Variants in SAMHD1 observed in about 807,000 individuals in gnomAD.
SAMHD1 encodes SAM and HD domain containing deoxynucleoside triphosphate triphosphohydrolase 1, also known as deoxynucleoside triphosphate triphosphohydrolase SAMHD1.
Under a neutral mutation model 79.6 loss-of-function variants are expected in SAMHD1, and 54 were observed. That is an observed-to-expected ratio of 0.68 (90% CI 0.55 to 0.85). The LOEUF (loss-of-function observed/expected upper bound fraction) is 0.85. Ranked by LOEUF, SAMHD1 falls within the 40% of genes least tolerant of loss-of-function variation. The probability of loss-of-function intolerance (pLI) is 0.00; values close to 1 mark genes in which losing one functional copy is unlikely to be tolerated. For synonymous variants in SAMHD1, 260 were observed against 264.1 expected (o/e 0.98, Z 0.15); for missense variants, 663 against 782.7 (o/e 0.85, Z 1.82).
chr20:36,922,110 AT>A (rs2063509740), intron 6 of SAMHD1, among the ~76,000 whole-genome samples: 1 of 152,232 alleles, frequency 6.6e-6, no homozygotes, highest in Non-Finnish European at 1.5e-5. Flanking sequence ...CTTTAAAAAA[AT>A]GACAAAGTCA....
Position 36,892,443 on chromosome 20 carries a change from T to G in SAMHD1, c.*489A>C, listed in dbSNP as rs2148351693. ...GACAATGTCAATTTCTAGTTCCAAT[T>G]TGTACCCTTGTCTCATTTCTACATT... is the stretch of plus-strand genomic sequence containing the variant. On this transcript the variant is annotated 3_prime_UTR_variant, in exon 16 of 16. Transcript: ENST00000646673. 5.2e-6 allele frequency: 1 copy of G among 193,764 alleles called. No homozygotes were observed. Among genetic ancestry groups the G allele is most frequent in the African/African-American group, 2.4e-5 (1 of 41,916 alleles). The allele number at this position is 193,764 out of a possible 1,614,324, so 12.0% of individuals were successfully genotyped here. A position where few individuals can be genotyped will look rare whatever the true frequency, so the allele number is the denominator to read the frequency against.
At chr20:36,925,426 G>A (rs1263172425) in intron 6 of SAMHD1, among the ~76,000 whole-genome samples, 2 of 152,182 alleles carry the variant, frequency 1.3e-5, no homozygotes, top group Non-Finnish European at 2.9e-5. Context: ...CCGGTTTTAT[G>A]GTTTTTTGCC....
intron 11 of SAMHD1, 23 bp downstream of exon 11, chr20:36,911,195 C>T (rs1466973201): frequency 7.1e-7 from 1 of 1,405,638 alleles, no homozygotes; most frequent in African/African-American, 1.4e-5. Context: ...GATGGACCAT[C>T]TATGTTACCT....
At chr20:36,918,801 CAAAAAA>C (rs60403097) in intron 7 of SAMHD1, among the ~76,000 whole-genome samples, 3 of 65,462 alleles carry the variant, frequency 4.6e-5, no homozygotes, top group African/African-American at 6.4e-5. Context: ...GACTCTATCT[CAAAAAA>C]AAAAAAAAAA....
chr20:36,903,548 TTC>T (rs2063388097), intron 13 of SAMHD1, among the ~76,000 whole-genome samples: 1 of 109,594 alleles, frequency 9.1e-6, no homozygotes, highest in Non-Finnish European at 2.0e-5. Flanking sequence ...AATTTTTTTT[TTC>T]TTTTTCTTTT....
chr20:36,908,738 A>C (rs542626311), intron 11 of SAMHD1, among the ~76,000 whole-genome samples: 90 of 152,238 alleles, frequency 5.9e-4, no homozygotes, highest in Non-Finnish European at 1.2e-3. Context: ...AACACAGTTT[A>C]GGAGGAGCTA....
chr20:36,951,282 C>T (rs913823238), intron 1 of SAMHD1, among the ~76,000 whole-genome samples, 154 bp downstream of exon 1: 8 of 152,166 alleles, frequency 5.3e-5, no homozygotes, highest in Admixed American at 2.0e-4. Context: ...TTCCTTTCCT[C>T]GGCGCCCCCA....
intron 3 of SAMHD1, among the ~76,000 whole-genome samples, chr20:36,937,860 GT>G (rs1401125895): frequency 7.8e-5 from 8 of 102,704 alleles, no homozygotes; most frequent in Non-Finnish European, 1.1e-4. Context: ...ATGTTGGTTT[GT>G]TTTTTTTTTT....
intron 15 of SAMHD1, 24 bp from the exon 16 acceptor site, chr20:36,893,090 A>T: frequency 6.2e-7 from 1 of 1,610,648 alleles, no homozygotes; most frequent in South Asian, 1.1e-5. Flanking sequence ...AGAGAAAAAC[A>T]GGCAATAGAG....
intron 15 of SAMHD1, chr20:36,894,177 T>C (rs975863248): frequency 7.8e-6 from 3 of 384,924 alleles, no homozygotes; most frequent in Admixed American, 4.5e-5. Context: ...GTTAAATTTT[T>C]TCTGTTGAAC....
chr20:36,951,436 C>G lies in SAMHD1; in HGVS notation c.208G>C (p.Glu70Gln). The G allele has an allele frequency of 1.9e-6, 3 of 1,613,882 alleles. No homozygotes were observed. The South Asian group carries it at 3.3e-5, about 18-fold the overall frequency. ...CCCTCAGCCCCTCCGGAGCCGCTAC[C>G]TCGGATGTTCTTCAGCAGCACCGGC... is the stretch of plus-strand genomic sequence containing the variant. ...EEPVLLKNIR[E>Q]NEITGALLPC... is the part of the protein sequence containing the mutation. The change falls in exon 1 of 16, where the codon GAA (glutamate) becomes CAA (glutamine). Residue 70 changes from glutamate to glutamine, a missense_variant and splice_region_variant. Coordinates refer to ENST00000646673, the MANE Select transcript of SAMHD1 (RefSeq NM_015474.4).
intron 2 of SAMHD1, among the ~76,000 whole-genome samples, chr20:36,942,618 T>C (rs1219382362): frequency 6.6e-6 from 1 of 151,478 alleles, no homozygotes; most frequent in East Asian, 1.9e-4. Context: ...ACAATTGACA[T>C]GTATATTTAA....
chr20:36,951,616 A>AG lies in SAMHD1; in HGVS notation c.27dup (p.Ser10LeufsTer8). 6.2e-7 allele frequency: 1 copy of AG among 1,613,982 alleles called. No individual in the cohort carries two copies. The highest frequency in any genetic ancestry group is 8.5e-7 in the Non-Finnish European group (1 of 1,179,976). ...CTGTCATCGCAACGGGGACGCTTGGAGGGCTGCTCGGAATCGGCTCGCTGC... is the reference window on the plus strand; with the variant it reads ...CTGTCATCGCAACGGGGACGCTTGGAGGGGCTGCTCGGAATCGGCTCGCTGC... On this transcript the variant is annotated frameshift_variant, in exon 1 of 16. Coordinates refer to ENST00000646673, the MANE Select transcript of SAMHD1 (RefSeq NM_015474.4). LOFTEE classifies it high-confidence loss of function.
chr20:36,942,650 C>T (rs1351314309), intron 2 of SAMHD1, among the ~76,000 whole-genome samples: 2 of 56,784 alleles, frequency 3.5e-5, no homozygotes, highest in Non-Finnish European at 6.0e-5. Flanking sequence ...TTCTATCTAA[C>T]TTCTTTTTTT....
At chr20:36,894,557 G>A (rs1036251389) in intron 15 of SAMHD1, among the ~76,000 whole-genome samples, 3 of 151,326 alleles carry the variant, frequency 2.0e-5, no homozygotes, top group African/African-American at 4.9e-5. Flanking sequence ...ACTTGAGGTC[G>A]GGAGTTCAAG....
intron 4 of SAMHD1, among the ~76,000 whole-genome samples, chr20:36,931,357 T>C (rs1266943965): frequency 2.0e-5 from 3 of 152,182 alleles, no homozygotes; most frequent in African/African-American, 4.8e-5. Context: ...AAAGATTGGC[T>C]GGGCTCAGGG....
chr20:36,930,950 G>A (rs970261970), intron 4 of SAMHD1, 75 bp from the exon 5 acceptor site: 4 of 930,232 alleles, frequency 4.3e-6, no homozygotes, highest in African/African-American at 3.2e-5. Context: ...AAGAACTTCA[G>A]TATGTTTCCT....
At chr20:36,904,889 G>T (rs189782939) in intron 12 of SAMHD1, 1 of 185,666 alleles carries the variant, frequency 5.4e-6, no homozygotes, top group Admixed American at 5.4e-5. Context: ...TCTTCAACAA[G>T]TAGGAGGTGA....
intron 13 of SAMHD1, chr20:36,903,829 G>A: frequency 8.8e-6 from 2 of 226,520 alleles, no homozygotes; most frequent in South Asian, 1.1e-4. Context: ...GGGATTACAG[G>A]CGTGAGCCAC....
Sources: gnomAD v4.1 joint callset for allele counts (sites outside exome capture counted in the v4.1 genomes callset) on GRCh38, gnomAD v4.1.1 for gene constraint, MANE v1.5 for transcripts, NCBI Gene and HGNC (gene_info 2026-07-23, HGNC 2026-07-21) for gene names.